PLCE1: variants seen among roughly 807,000 people sequenced by gnomAD.
PLCE1 encodes phospholipase C epsilon 1, also known as 1-phosphatidylinositol 4,5-bisphosphate phosphodiesterase epsilon-1.
A neutral mutation model predicts 242.8 loss-of-function variants in PLCE1; 119 were observed. The ratio of observed to expected loss-of-function variants is 0.49; its 90% CI spans 0.42 to 0.57. The LOEUF is 0.57. Among genes scored for constraint, PLCE1 ranks in the 20% least tolerant of loss-of-function variants. The pLI is 0.00. For missense variants in PLCE1, 2,441 were observed against 2,788.8 expected (o/e 0.88, Z 2.81); for synonymous variants, 945 against 1,017.4 (o/e 0.93, Z 1.35).
At chr10:94,096,752 A>C (rs1214459759) in intron 2 of PLCE1, 3 of 152,214 alleles carry the variant, frequency 2.0e-5, no homozygotes, top group African/African-American at 4.8e-5. Flanking sequence ...AAAGATGCAC[A>C]ACTTACCATC....
intron 4 of PLCE1, among the ~76,000 whole-genome samples, chr10:94,209,972 A>G (rs1331195893): frequency 6.6e-6 from 1 of 152,190 alleles, no homozygotes; most frequent in Non-Finnish European, 1.5e-5. Context: ...TTGACTCAGT[A>G]TCACACAATT....
chr10:94,008,593 G>A (rs1019930821), intron 1 of PLCE1, among the ~76,000 whole-genome samples: 3 of 152,188 alleles, frequency 2.0e-5, no homozygotes, highest in South Asian at 2.1e-4. Context: ...ACAAGCTTAA[G>A]CCATCATGCC....
chr10:94,179,519 T>TC (rs1564761736), intron 4 of PLCE1, among the ~76,000 whole-genome samples: 1,157 of 25,230 alleles, frequency 0.046, 42 homozygotes, highest in African/African-American at 0.12. Flanking sequence ...TTAGTTTTTT[T>TC]TTTTTTTTTT....
intron 20 of PLCE1, 75 bp from the exon 21 acceptor site, chr10:94,283,715 T>A: frequency 6.7e-7 from 1 of 1,495,250 alleles, no homozygotes; most frequent in Non-Finnish European, 9.3e-7. Flanking sequence ...CTGGATGTCC[T>A]CACAGTGATG....
At chr10:94,313,135 T>G (rs1426562763) in intron 27 of PLCE1, 119 bp from the exon 28 acceptor site, 11 of 1,189,094 alleles carry the variant, frequency 9.3e-6, no homozygotes, top group Admixed American at 6.9e-5. Context: ...AAATGGACTC[T>G]CATCTTTTGC....
At chr10:94,061,586 C>T (rs993513033) in intron 2 of PLCE1, among the ~76,000 whole-genome samples, 3 of 151,994 alleles carry the variant, frequency 2.0e-5, no homozygotes, top group Admixed American at 2.0e-4. Flanking sequence ...GTGGCTCATG[C>T]CTATAGTCCC....
chr10:94,319,864 C>CTTTTTTTTTTTTTTTTTTTTTTTTTTTT (rs58610099), intron 29 of PLCE1, among the ~76,000 whole-genome samples: 3 of 92,916 alleles, frequency 3.2e-5, no homozygotes, highest in South Asian at 3.8e-4. Flanking sequence ...CAAAGGTGCT[C>CTTTTTTTTTTTTTTTTTTTTTTTTTTTT]TTTTTTTTTT....
chr10:94,291,191 G>A (rs553428258), intron 22 of PLCE1, among the ~76,000 whole-genome samples: 5 of 151,878 alleles, frequency 3.3e-5, no homozygotes, highest in Non-Finnish European at 5.9e-5. Flanking sequence ...GTCTTGCTAA[G>A]TTGCCCAGGC....
intron 2 of PLCE1, among the ~76,000 whole-genome samples, chr10:94,062,545 A>G (rs577694407): frequency 6.6e-6 from 1 of 151,358 alleles, no homozygotes; most frequent in South Asian, 2.1e-4. Context: ...TATATATTAA[A>G]CACTCAATAA....
chr10:94,322,301 C>G (rs2053840885), intron 30 of PLCE1, among the ~76,000 whole-genome samples: 1 of 151,720 alleles, frequency 6.6e-6, no homozygotes, highest in South Asian at 2.1e-4. Context: ...CTGCAGTGAG[C>G]TATGACTGGC....
chr10:94,191,833 G>C (rs1457890771), intron 4 of PLCE1, among the ~76,000 whole-genome samples: 1 of 152,152 alleles, frequency 6.6e-6, no homozygotes, highest in Non-Finnish European at 1.5e-5. Context: ...AAGGCTGCCT[G>C]TTGAAGTAGT....
intron 2 of PLCE1, among the ~76,000 whole-genome samples, chr10:94,039,439 T>C (rs1589897739): frequency 6.6e-6 from 1 of 151,826 alleles, no homozygotes; most frequent in Non-Finnish European, 1.5e-5. Context: ...TGGAGTGCAG[T>C]GGCACAATCT....
At chr10:94,194,254 G>A (rs2048753638) in intron 4 of PLCE1, among the ~76,000 whole-genome samples, 1 of 152,076 alleles carries the variant, frequency 6.6e-6, no homozygotes, top group Non-Finnish European at 1.5e-5. Flanking sequence ...TCCTTTTCGT[G>A]GGGAATTACA....
intron 27 of PLCE1, among the ~76,000 whole-genome samples, chr10:94,310,077 T>C (rs952054208): frequency 2.0e-5 from 3 of 152,244 alleles, no homozygotes; most frequent in African/African-American, 4.8e-5. Context: ...AATTCCATTA[T>C]GCTTCCTCTT....
intron 3 of PLCE1, among the ~76,000 whole-genome samples, chr10:94,158,005 C>G (rs940541313): frequency 1.5e-4 from 23 of 151,912 alleles, no homozygotes; most frequent in South Asian, 4.2e-4. Flanking sequence ...TGAGTGAGAT[C>G]TCGGAAGAGA....
intron 4 of PLCE1, among the ~76,000 whole-genome samples, chr10:94,220,188 A>G (rs999759328): frequency 4.0e-5 from 6 of 150,834 alleles, no homozygotes; most frequent in African/African-American, 1.5e-4. Context: ...ACATACATAC[A>G]TACATACACA....
chr10:94,172,912 A>G (rs2048026468), intron 4 of PLCE1, among the ~76,000 whole-genome samples: 1 of 152,198 alleles, frequency 6.6e-6, no homozygotes. Flanking sequence ...GATGGTTGTA[A>G]ATGTCAGTGA....
At chr10:94,254,131 T>TA in intron 9 of PLCE1, 59 bp from the exon 10 acceptor site, 2 of 1,248,770 alleles carry the variant, frequency 1.6e-6, no homozygotes, top group Non-Finnish European at 2.4e-6. Context: ...CTACCTGAAC[T>TA]AAAGCAGTGA....
Position 94,254,192 on chromosome 10 carries a change from T to A in PLCE1, c.3282T>A (p.Gly1094=). The A allele has an allele frequency of 6.2e-7, 1 of 1,608,106 alleles. No individual in the cohort carries two copies. The highest frequency in any genetic ancestry group is 1.1e-5 in the South Asian group (1 of 90,926). Residue 1094 remains glycine (G), a splice_region_variant and synonymous_variant, in exon 10 of 33, where the codon GGT becomes GGA. Coordinates refer to ENST00000371380, the MANE Select transcript of PLCE1 (RefSeq NM_016341.4). ...CATCGTGAGCTTTGTGTTCCCAGGG[T>A]GAGAGTGGAGAGGTAACTGACGATG... is the stretch of plus-strand genomic sequence containing the variant. ...TKKKKKILMR[G]ESGEVTDDEM...
Sources: allele counts gnomAD v4.1 joint callset (sites outside exome capture counted in the v4.1 genomes callset), GRCh38; gene constraint gnomAD v4.1.1; transcripts MANE v1.5; gene names NCBI Gene and HGNC (gene_info 2026-07-23, HGNC 2026-07-21).